Variants in LRP1B observed in about 807,000 individuals in gnomAD.
LRP1B encodes the protein low-density lipoprotein receptor-related protein 1B.
LRP1B carries 217 observed loss-of-function variants against 556.6 expected under a neutral mutation model. The ratio of observed to expected loss-of-function variants is 0.39; its 90% confidence interval spans 0.35 to 0.44. LRP1B has a LOEUF of 0.44. Ranked by LOEUF, LRP1B falls within the 20% of genes least tolerant of loss-of-function variation. LRP1B has a pLI of 1.00. For missense variants in LRP1B, 5,053 were observed against 5,620.8 expected (o/e 0.90, Z 3.23); for synonymous variants, 2,047 against 1,865.8 (o/e 1.10, Z -2.50).
rs144390794 is a variant in LRP1B at position 140,443,712 on chromosome 2, C to G, written c.10294+618G>C. On this transcript the variant is annotated intron_variant, in intron 65 of 90. Transcript: ENST00000389484. ...CATATATATATGTATATGGTATAAACAGTTTTGCCTTCCATTTAACGTAAT... is the reference window on the plus strand; with the variant it reads ...CATATATATATGTATATGGTATAAAGAGTTTTGCCTTCCATTTAACGTAAT... Among the ~76,000 whole-genome samples the G allele has an allele frequency of 2.2e-3, 333 of 152,220 alleles. 2 individuals carry two copies. The highest frequency in any genetic ancestry group is 7.8e-3 in the African/African-American group (323 of 41,536).
intron 41 of LRP1B, among the ~76,000 whole-genome samples, chr2:140,606,867 G>A (rs1200995017): frequency 6.6e-6 from 1 of 151,728 alleles, no homozygotes; most frequent in Non-Finnish European, 1.5e-5. Context: ...TAAAAAATAG[G>A]AAGAAATCTT....
chr2:140,743,936 C>T (rs1019581474), intron 35 of LRP1B, among the ~76,000 whole-genome samples: 2 of 130,270 alleles, frequency 1.5e-5, no homozygotes, highest in African/African-American at 3.0e-5. Context: ...CACTGCACTC[C>T]AGCCTGGCGA....
chr2:140,288,812 A>G (rs1049428602), intron 84 of LRP1B, among the ~76,000 whole-genome samples: 1 of 151,770 alleles, frequency 6.6e-6, no homozygotes, highest in African/African-American at 2.4e-5. Flanking sequence ...GAGACATATC[A>G]TTTTTCAACC....
intron 32 of LRP1B, among the ~76,000 whole-genome samples, chr2:140,793,298 A>G (rs1398573257): frequency 6.6e-6 from 1 of 152,054 alleles, no homozygotes; most frequent in African/African-American, 2.4e-5. Flanking sequence ...ATCCTTTTAC[A>G]GTGTGCTTCT....
chr2:140,538,275 G>A (rs1680003142), intron 45 of LRP1B, among the ~76,000 whole-genome samples: 1 of 151,874 alleles, frequency 6.6e-6, no homozygotes, highest in African/African-American at 2.4e-5. Context: ...TTGTTACATG[G>A]GTTTACTACA....
chr2:141,927,373 G>A (rs960097454), intron 1 of LRP1B, among the ~76,000 whole-genome samples: 1 of 152,036 alleles, frequency 6.6e-6, no homozygotes, highest in African/African-American at 2.4e-5. Flanking sequence ...TTTTTAAAAA[G>A]TAAACGATAT....
At chr2:140,679,002 C>T (rs1685770490) in intron 41 of LRP1B, among the ~76,000 whole-genome samples, 1 of 152,074 alleles carries the variant, frequency 6.6e-6, no homozygotes, top group Non-Finnish European at 1.5e-5. Context: ...GTCTTGAACT[C>T]CTGACCTCTG....
At chr2:141,100,428 T>G (rs1478783391) in intron 7 of LRP1B, among the ~76,000 whole-genome samples, 1 of 152,166 alleles carries the variant, frequency 6.6e-6, no homozygotes, top group East Asian at 1.9e-4. Flanking sequence ...CTTATTTCCC[T>G]CAAACACCTT....
chr2:140,544,387 G>T (rs1230811918), intron 43 of LRP1B, among the ~76,000 whole-genome samples: 2 of 151,926 alleles, frequency 1.3e-5, no homozygotes, highest in Non-Finnish European at 2.9e-5. Flanking sequence ...GTATCACAGG[G>T]GTTCACTGTA....
At chr2:141,900,040 T>C (rs993983814) in intron 1 of LRP1B, among the ~76,000 whole-genome samples, 10 of 152,074 alleles carry the variant, frequency 6.6e-5, no homozygotes, top group African/African-American at 2.4e-4. Flanking sequence ...ATGGGGCAAT[T>C]TGTGTGACAT....
At chr2:140,927,708 CTT>C (rs11441032) in intron 20 of LRP1B, among the ~76,000 whole-genome samples, 3 of 116,086 alleles carry the variant, frequency 2.6e-5, no homozygotes, top group East Asian at 2.6e-4. Context: ...ACGAGGAAGG[CTT>C]TTTTTTTTTT....
chr2:141,069,367 G>T (rs1490682947), intron 7 of LRP1B, among the ~76,000 whole-genome samples: 1 of 151,902 alleles, frequency 6.6e-6, no homozygotes, highest in Admixed American at 6.6e-5. Context: ...TTTTATTATT[G>T]ATTTATTTTT....
chr2:141,516,281 C>T (rs1413850523), intron 2 of LRP1B, among the ~76,000 whole-genome samples: 1 of 152,112 alleles, frequency 6.6e-6, no homozygotes, highest in Non-Finnish European at 1.5e-5. Context: ...TTTCTATCTC[C>T]AAATCCCCAT....
chr2:140,271,120 C>T (rs889180469), intron 85 of LRP1B, among the ~76,000 whole-genome samples: 4 of 151,834 alleles, frequency 2.6e-5, no homozygotes, highest in Non-Finnish European at 5.9e-5. Context: ...AAAACGCAGA[C>T]ATTTTTTACT....
intron 60 of LRP1B, among the ~76,000 whole-genome samples, chr2:140,467,062 A>G (rs1474422938): frequency 6.6e-6 from 1 of 152,162 alleles, no homozygotes; most frequent in African/African-American, 2.4e-5. Flanking sequence ...ATGCAATGTT[A>G]TTTCTAAAAT....
At chr2:140,857,623 T>C (rs1410720286) in intron 27 of LRP1B, among the ~76,000 whole-genome samples, 1 of 152,134 alleles carries the variant, frequency 6.6e-6, no homozygotes, top group Non-Finnish European at 1.5e-5. Flanking sequence ...GAGGGAGCAA[T>C]GTTCCTCAAA....
At chr2:141,733,386 C>G (rs918683729) in intron 2 of LRP1B, among the ~76,000 whole-genome samples, 7 of 152,102 alleles carry the variant, frequency 4.6e-5, no homozygotes, top group Non-Finnish European at 8.8e-5. Context: ...AACTATCACT[C>G]TGATACACTG....
chr2:141,128,056 T>C (rs1303705503), intron 7 of LRP1B, among the ~76,000 whole-genome samples: 2 of 152,160 alleles, frequency 1.3e-5, no homozygotes, highest in Admixed American at 6.5e-5. Flanking sequence ...TCACAGCTCA[T>C]TGTAACCTCA....
chr2:140,614,223 C>A (rs540256660), intron 41 of LRP1B, among the ~76,000 whole-genome samples: 15 of 152,212 alleles, frequency 9.9e-5, no homozygotes, highest in African/African-American at 3.6e-4. Context: ...CACCTTACCC[C>A]TATTGCAATG....
Sources: allele counts gnomAD v4.1 joint callset (sites outside exome capture counted in the v4.1 genomes callset), GRCh38; gene constraint gnomAD v4.1.1; transcripts MANE v1.5; gene names NCBI Gene and HGNC (gene_info 2026-07-23, HGNC 2026-07-21).